The following ZEB1 variants were observed in gnomAD, a reference collection of about 807,000 sequenced individuals.
ZEB1 encodes zinc finger E-box binding homeobox 1, also known as zinc finger E-box-binding homeobox 1.
Under a neutral mutation model 84.9 loss-of-function variants are expected in ZEB1, and 21 were observed. The observed-to-expected ratio is 0.25, with a 90% CI of 0.18 to 0.36. The LOEUF is 0.36. ZEB1 is among the 10% of genes least tolerant of loss of function. The pLI is 1.00. For missense variants in ZEB1, 1,104 were observed against 1,330.2 expected (o/e 0.83, Z 2.65); for synonymous variants, 420 against 471.1 (o/e 0.89, Z 1.41).
intron 2 of ZEB1, among the ~76,000 whole-genome samples, chr10:31,469,353 G>A (rs559948522): frequency 2.2e-4 from 33 of 150,084 alleles, no homozygotes; most frequent in African/African-American, 5.9e-4. Flanking sequence ...CAGTGGGTGC[G>A]CGCACCATGC....
intron 1 of ZEB1, among the ~76,000 whole-genome samples, chr10:31,416,832 C>T (rs1435351870): frequency 6.6e-6 from 1 of 152,024 alleles, no homozygotes; most frequent in Non-Finnish European, 1.5e-5. Context: ...CATAAAAGCC[C>T]CCAAAGTTTT....
intron 2 of ZEB1, among the ~76,000 whole-genome samples, chr10:31,490,182 G>A (rs540685515): frequency 4.0e-5 from 6 of 151,352 alleles, no homozygotes; most frequent in Admixed American, 1.3e-4. Flanking sequence ...GATTTGGGGG[G>A]TTAGGAGGTT....
At chr10:31,387,137 T>C in intron 1 of ZEB1, 1 of 985,858 alleles carries the variant, frequency 1.0e-6, no homozygotes, top group South Asian at 4.7e-5. Flanking sequence ...AACCTTAAAC[T>C]TCCACCACAA....
intron 3 of ZEB1, among the ~76,000 whole-genome samples, chr10:31,499,626 A>G (rs1450620215): frequency 6.6e-6 from 1 of 152,128 alleles, no homozygotes; most frequent in Non-Finnish European, 1.5e-5. Flanking sequence ...TTAACCAGGC[A>G]TGGTGATGCA....
chr10:31,357,545 A>G (rs2042310663), intron 1 of ZEB1, among the ~76,000 whole-genome samples: 1 of 152,196 alleles, frequency 6.6e-6, no homozygotes, highest in Non-Finnish European at 1.5e-5. Context: ...ACTAAGATTG[A>G]ATAACTCTGC....
intron 4 of ZEB1, among the ~76,000 whole-genome samples, chr10:31,505,749 T>C (rs1428505252): frequency 6.6e-6 from 1 of 151,998 alleles, no homozygotes; most frequent in Non-Finnish European, 1.5e-5. Context: ...ATTTCATTGA[T>C]TTTGTTCTGA....
chr10:31,459,574 A>G (rs909443026), intron 1 of ZEB1, among the ~76,000 whole-genome samples: 2 of 152,060 alleles, frequency 1.3e-5, no homozygotes, highest in Non-Finnish European at 2.9e-5. Flanking sequence ...AGAGAAAACC[A>G]TTTACTCTTG....
At chr10:31,389,463 T>C (rs1184780324) in intron 1 of ZEB1, 1 of 152,146 alleles carries the variant, frequency 6.6e-6, no homozygotes, top group African/African-American at 2.4e-5. Context: ...GTTTTTGTTT[T>C]TGAAGTGTTC....
rs371657067 is a variant in ZEB1 at position 31,341,913 on chromosome 10, A to T, written c.58+22621A>T. ...TTGGTGGGGGAGATCAGAATGTAAC[A>T]TTAGTCTAGGATTGAGGTTTTACCA... On this transcript the variant is annotated intron_variant, in intron 1 of 8. Transcript: ENST00000424869. 9.4e-4 allele frequency among the ~76,000 whole-genome samples: 143 copies of T among 152,308 alleles called. 2 individuals carry two copies. The highest frequency in any genetic ancestry group is 3.4e-3 in the African/African-American group (140 of 41,572).
rs530110839 is a variant in ZEB1, at chr10:31,444,653, C to G, written c.59-16384C>G. ...ATATGGCTAGCCAGTTTTCCCAGCA[C>G]CATTTGTTAAATAGGGAATCCTTTC... On this transcript the variant is annotated intron_variant, in intron 1 of 8. Transcript: ENST00000424869. 5.5e-3 allele frequency among the ~76,000 whole-genome samples: 836 copies of G among 152,112 alleles called. 11 individuals are homozygous for G. Among genetic ancestry groups the G allele is most frequent in the African/African-American group, 0.019 (788 of 41,468 alleles).
chr10:31,342,477 G>T (rs2039566969), intron 1 of ZEB1, among the ~76,000 whole-genome samples: 1 of 152,074 alleles, frequency 6.6e-6, no homozygotes, highest in South Asian at 2.1e-4. Flanking sequence ...AGATAGGGTT[G>T]TTCAGTGTTA....
At chr10:31,418,149 A>G (rs1264915859) in intron 1 of ZEB1, among the ~76,000 whole-genome samples, 4 of 151,940 alleles carry the variant, frequency 2.6e-5, no homozygotes, top group Admixed American at 2.0e-4. Flanking sequence ...CTGGAAGTCA[A>G]ATATCCAGCA....
intron 1 of ZEB1, among the ~76,000 whole-genome samples, chr10:31,347,923 C>G (rs2040601279): frequency 6.6e-6 from 1 of 152,136 alleles, no homozygotes; most frequent in South Asian, 2.1e-4. Context: ...TTCCAGGGCC[C>G]TTCAGGGGAA....
intron 1 of ZEB1, among the ~76,000 whole-genome samples, chr10:31,439,778 G>A (rs1239901413): frequency 3.3e-5 from 5 of 152,086 alleles, no homozygotes; most frequent in Non-Finnish European, 5.9e-5. Context: ...TGAAGCAAGA[G>A]GCCAGTATAC....
chr10:31,426,669 A>G lies in ZEB1; in HGVS notation c.59-34368A>G, dbSNP rs190332368. 3.9e-5 allele frequency among the ~76,000 whole-genome samples: 6 copies of G among 152,256 alleles called. No individual in the cohort carries two copies. The East Asian group carries it at 1.2e-3, about 29-fold the overall frequency. On this transcript the variant is annotated intron_variant, in intron 1 of 8. Transcript: ENST00000424869. ...GAGTAATTGGATGGATGCCTGGAAA[A>G]TCTAGTGCCAGATTGTATAGTGCCT...
intron 4 of ZEB1, among the ~76,000 whole-genome samples, chr10:31,508,974 T>C (rs978280271): frequency 6.6e-6 from 1 of 152,108 alleles, no homozygotes; most frequent in Non-Finnish European, 1.5e-5. Context: ...CAGCAGTCTG[T>C]TGGGGAGTCT....
chr10:31,408,681 T>C (rs929926620), intron 1 of ZEB1, among the ~76,000 whole-genome samples: 31 of 144,906 alleles, frequency 2.1e-4, no homozygotes, highest in Admixed American at 6.1e-4. Context: ...CTGGGAAAAC[T>C]GGCTAGCCAT....
At chr10:31,329,097 T>C (rs2036211541) in intron 1 of ZEB1, among the ~76,000 whole-genome samples, 1 of 152,120 alleles carries the variant, frequency 6.6e-6, no homozygotes, top group South Asian at 2.1e-4. Context: ...TTGACATACT[T>C]GCATACATGT....
At chr10:31,482,045 A>G (rs761813844) in intron 2 of ZEB1, among the ~76,000 whole-genome samples, 6 of 152,052 alleles carry the variant, frequency 3.9e-5, no homozygotes, top group Non-Finnish European at 8.8e-5. Flanking sequence ...ATTTTCCCAG[A>G]AGATAATTAA....
Sources: gnomAD v4.1 joint callset for allele counts (sites outside exome capture counted in the v4.1 genomes callset) on GRCh38, gnomAD v4.1.1 for gene constraint, MANE v1.5 for transcripts, NCBI Gene and HGNC (gene_info 2026-07-23, HGNC 2026-07-21) for gene names.